Variants in ZNF521 observed in about 807,000 individuals in gnomAD.
ZNF521 encodes zinc finger protein 521.
A neutral mutation model predicts 105.5 loss-of-function variants in ZNF521; 14 were observed. The ratio of observed to expected loss-of-function variants is 0.13; its 90% CI spans 0.09 to 0.21. The LOEUF (loss-of-function observed/expected upper bound fraction) is 0.21, where lower values mean the gene tolerates loss of function less well. Ranked by LOEUF, ZNF521 falls within the 10% of genes least tolerant of loss-of-function variation. ZNF521 has a pLI of 1.00. For synonymous variants in ZNF521, 635 were observed against 606.0 expected, an observed-to-expected ratio of 1.05 and a Z score of -0.70; for missense variants, 1,233 against 1,629.7, an observed-to-expected ratio of 0.76 and a Z score of 4.19.
rs67381140 is a variant in ZNF521, at chr18:25,273,220, C to CAAAAAAAAA, written c.221-45532_221-45524dup. ...CCCAAGAGGAGTGAAACCCTGTCTC[C>CAAAAAAAAA]AAAAAAAAAAAAAAAAAAAAAAAAA... On this transcript the variant is annotated intron_variant, in intron 3 of 7. Transcript: ENST00000361524. 6.2e-3 allele frequency among the ~76,000 whole-genome samples: 252 copies of CAAAAAAAAA among 40,882 alleles called. 29 individuals are homozygous for CAAAAAAAAA. The highest frequency in any genetic ancestry group is 0.019 in the African/African-American group (221 of 11,528). 26.8% of individuals were successfully genotyped at this position (40,882 alleles called of 152,430 possible).
rs201464316 is a variant in ZNF521 at position 25,108,891 on chromosome 18, C to T, written c.3659-16810G>A. ...CCACCCACCTCAGCCTCCCAAAGTG[C>T]TGGGATTACAGGTGTGAGCCACTGC... On this transcript the variant is annotated intron_variant, in intron 5 of 7. Coordinates refer to ENST00000361524, the MANE Select transcript of ZNF521 (RefSeq NM_015461.3). 3.2e-3 allele frequency among the ~76,000 whole-genome samples: 489 copies of T among 152,244 alleles called. 7 individuals carry two copies. The highest frequency in any genetic ancestry group is 0.025 in the South Asian group (119 of 4,812).
chr18:25,350,395 C>CGGGA (rs1185682012), intron 2 of ZNF521, among the ~76,000 whole-genome samples: 3 of 151,766 alleles, frequency 2.0e-5, no homozygotes, highest in Non-Finnish European at 4.4e-5. Flanking sequence ...CGCGGGCGGG[C>CGGGA]GGGAGGCGGC....
At chr18:25,154,256 A>T (rs1053353223) in intron 5 of ZNF521, among the ~76,000 whole-genome samples, 4 of 152,194 alleles carry the variant, frequency 2.6e-5, no homozygotes, top group African/African-American at 9.7e-5. Context: ...AATTAGAAAC[A>T]TGCTGTGGCC....
At chr18:25,240,283 A>G (rs970425707) in intron 3 of ZNF521, among the ~76,000 whole-genome samples, 1 of 152,144 alleles carries the variant, frequency 6.6e-6, no homozygotes, top group Non-Finnish European at 1.5e-5. Flanking sequence ...CACATGAGGC[A>G]CTTCTGCCTT....
chr18:25,141,415 A>C (rs574351692), intron 5 of ZNF521, among the ~76,000 whole-genome samples: 15 of 152,196 alleles, frequency 9.9e-5, no homozygotes, highest in Non-Finnish European at 2.1e-4. Context: ...TAGGTAATGA[A>C]ATAGTCTTTG....
At chr18:25,315,232 G>A (rs1485080924) in intron 3 of ZNF521, among the ~76,000 whole-genome samples, 2 of 152,140 alleles carry the variant, frequency 1.3e-5, no homozygotes, top group East Asian at 3.8e-4. Context: ...AGCAAGGCTG[G>A]GGCAAGACAG....
At position 25,292,590 on chromosome 18, in the gene ZNF521, G is replaced by A. The variant is rs182179411; in HGVS notation, c.220+29418C>T. 5.3e-5 allele frequency among the ~76,000 whole-genome samples: 8 copies of A among 152,280 alleles called. No homozygotes were observed. In the East Asian group the frequency reaches 9.7e-4, roughly 18 times the overall value. ...GGATAGTGAGGTGGTAAATAATGGC[G>A]TGTATCATTAAGAAATACAAGATAT... On this transcript the variant is annotated intron_variant, in intron 3 of 7. Coordinates refer to ENST00000361524, the MANE Select transcript of ZNF521 (RefSeq NM_015461.3).
intron 5 of ZNF521, among the ~76,000 whole-genome samples, chr18:25,175,220 G>T (rs1158378983): frequency 1.2e-4 from 18 of 152,190 alleles, no homozygotes; most frequent in Admixed American, 1.2e-3. Context: ...TGATGAAGGG[G>T]CCATTCCTAC....
At chr18:25,308,257 C>A (rs1040499282) in intron 3 of ZNF521, among the ~76,000 whole-genome samples, 2 of 145,438 alleles carry the variant, frequency 1.4e-5, no homozygotes, top group African/African-American at 5.1e-5. Context: ...CACCAGGTAA[C>A]TGTAGCCCTG....
rs1175859497 is a variant in ZNF521 at position 25,179,116 on chromosome 18, C to CTTTTT, written c.3658+16039_3658+16043dup. Among the ~76,000 whole-genome samples the CTTTTT allele has an allele frequency of 1.9e-3, 98 of 52,478 alleles. 16 individuals are homozygous for CTTTTT. Among genetic ancestry groups the CTTTTT allele is most frequent in the Non-Finnish European group, 2.6e-3 (74 of 28,968 alleles). 34.4% of individuals were successfully genotyped at this position (52,478 alleles called of 152,430 possible). Reference sequence around the variant, plus strand: ...GACTTATACTTCTTTTTCTTTATTCCTTTTTTTTTTTTTTTTTTTTTTTTT... The same window carrying CTTTTT: ...GACTTATACTTCTTTTTCTTTATTCCTTTTTTTTTTTTTTTTTTTTTTTTTTTTTT... On this transcript the variant is annotated intron_variant, in intron 5 of 7. Coordinates refer to ENST00000361524, the MANE Select transcript of ZNF521 (RefSeq NM_015461.3).
intron 3 of ZNF521, among the ~76,000 whole-genome samples, chr18:25,298,161 T>C (rs2145057205): frequency 6.6e-6 from 1 of 152,306 alleles, no homozygotes. Context: ...AGTCTTCAGT[T>C]TCATTTAAAT....
At chr18:25,301,574 G>T (rs1046468615) in intron 3 of ZNF521, among the ~76,000 whole-genome samples, 2 of 152,200 alleles carry the variant, frequency 1.3e-5, no homozygotes, top group African/African-American at 4.8e-5. Context: ...TGCCAAAATG[G>T]TGACCTGATG....
rs1168845669 is a variant in ZNF521 at position 25,089,349 on chromosome 18, C to A, written c.3906+116G>T. 7 of 769,838 alleles carry A rather than the reference C, an allele frequency of 9.1e-6. No individual in the cohort carries two copies. The South Asian group carries it at 1.3e-4, about 14-fold the overall frequency. The allele number at this position is 769,838 out of a possible 1,614,324, so 47.7% of individuals were successfully genotyped here. On this transcript the variant is annotated intron_variant, in intron 7 of 7. Coordinates refer to ENST00000361524, the MANE Select transcript of ZNF521 (RefSeq NM_015461.3). Reference sequence around the variant, plus strand: ...ATTTTCCCTTTGCCCCCAATACACACAAAGCATCATGGTGGCCCAGGGTGA... The same window carrying A: ...ATTTTCCCTTTGCCCCCAATACACAAAAAGCATCATGGTGGCCCAGGGTGA...
At chr18:25,077,041 TAA>T (rs1481731554) in intron 7 of ZNF521, among the ~76,000 whole-genome samples, 1 of 152,198 alleles carries the variant, frequency 6.6e-6, no homozygotes, top group Non-Finnish European at 1.5e-5. Context: ...AGCCCTGTAA[TAA>T]GAGTCAGTGT....
chr18:25,091,490 A>G (rs1278071770), intron 6 of ZNF521, among the ~76,000 whole-genome samples: 2 of 152,158 alleles, frequency 1.3e-5, no homozygotes, highest in Non-Finnish European at 2.9e-5. Flanking sequence ...ATTTGGGGTG[A>G]GTTTTAATAC....
Position 25,224,628 on chromosome 18 carries a change from A to G in ZNF521, c.3290T>C (p.Val1097Ala). The change falls in exon 4 of 8, where the codon GTG becomes GCG. Residue 1097 changes from valine to alanine, a missense_variant. Val to Ala is a moderately conservative substitution (Grantham distance 64). Around this residue, in one of 6 missense-constraint regions of ZNF521, gnomAD observed 614 missense variants for 751.5 expected, o/e 0.82. Transcript: ENST00000361524. ...GLPYGLCAGC[V>A]NLSKSASPGI... ...TGGGCTGGCGCTCTTACTGAGATTC[A>G]CGCAGCCGGCACACAGACCATATGG... The G allele has an allele frequency of 6.2e-7, 1 of 1,614,128 alleles. No homozygotes were observed. Among genetic ancestry groups the G allele is most frequent in the Non-Finnish European group, 8.5e-7 (1 of 1,180,018 alleles).
intron 2 of ZNF521, among the ~76,000 whole-genome samples, chr18:25,323,752 G>A (rs933720665): frequency 1.3e-5 from 2 of 152,120 alleles, no homozygotes; most frequent in African/African-American, 2.4e-5. Flanking sequence ...CACATAGCAC[G>A]TTTCTATGAA....
In ZNF521 at chr18:25,283,935, A is replaced by C. The variant is rs1053357617; in HGVS notation, c.220+38073T>G. ...AAGCCAATACTTTCCCCCCCCCCCAAAAAAATTCATGAGCAGCAACAGCTG... is the reference window on the plus strand; with the variant it reads ...AAGCCAATACTTTCCCCCCCCCCCACAAAAATTCATGAGCAGCAACAGCTG... On this transcript the variant is annotated intron_variant, in intron 3 of 7. Transcript: ENST00000361524. Among the ~76,000 whole-genome samples, 7 of 139,002 alleles carry C rather than the reference A, an allele frequency of 5.0e-5. No homozygotes were observed. In the East Asian group the frequency reaches 1.5e-3, roughly 31 times the overall value. The allele number at this position is 139,002 out of a possible 152,430, so 91.2% of individuals were successfully genotyped here.
At chr18:25,286,143 T>C (rs1419521487) in intron 3 of ZNF521, among the ~76,000 whole-genome samples, 1 of 152,128 alleles carries the variant, frequency 6.6e-6, no homozygotes, top group East Asian at 1.9e-4. Context: ...GAGCCAGACG[T>C]GTCTGGGCAA....
Sources: allele counts gnomAD v4.1 joint callset (sites outside exome capture counted in the v4.1 genomes callset), GRCh38; gene constraint gnomAD v4.1.1; regional missense constraint gnomAD v4.1.1; transcripts MANE v1.5; gene names NCBI Gene and HGNC (gene_info 2026-07-23, HGNC 2026-07-21).